The following CACNG5 variants were observed in gnomAD, a reference collection of about 807,000 sequenced individuals.
CACNG5 encodes calcium voltage-gated channel auxiliary subunit gamma 5.
CACNG5 carries 18 observed loss-of-function variants against 24.8 expected under a neutral mutation model. The observed-to-expected ratio is 0.73, with a 90% CI of 0.50 to 1.08. The LOEUF (loss-of-function observed/expected upper bound fraction) is 1.08. Among genes scored for constraint, CACNG5 ranks in the 50% least tolerant of loss-of-function variants. CACNG5 has a pLI of 0.00. For missense variants in CACNG5, 349 were observed against 367.9 expected (o/e 0.95, Z 0.42); for synonymous variants, 157 against 149.1 (o/e 1.05, Z -0.39).
At position 66,891,621 on chromosome 17, in the gene CACNG5, T is replaced by C. The variant is rs1158689299; in HGVS notation, c.*6381T>C. On this transcript the variant is annotated 3_prime_UTR_variant, in exon 6 of 6. Coordinates refer to ENST00000533854, the MANE Select transcript of CACNG5 (RefSeq NM_145811.3). The stretch of plus-strand genomic sequence containing the variant: ...AGACAGGCAGAAGCTTCATTGCCTT[T>C]CTGGAAGCAGCCTTTGAAGTTACCT... Among the ~76,000 whole-genome samples, 1 of 152,220 alleles carries C rather than the reference T, an allele frequency of 6.6e-6. No individual in the cohort carries two copies. The highest frequency in any genetic ancestry group is 1.5e-5 in the Non-Finnish European group (1 of 68,044).
At chr17:66,843,335 G>T (rs969315346) in intron 1 of CACNG5, among the ~76,000 whole-genome samples, 2 of 151,848 alleles carry the variant, frequency 1.3e-5, no homozygotes, top group Admixed American at 1.3e-4. Flanking sequence ...GGAAGGCAAA[G>T]GGGGACAGGA....
At chr17:66,861,367 T>C (rs1271901199) in intron 1 of CACNG5, among the ~76,000 whole-genome samples, 1 of 152,264 alleles carries the variant, frequency 6.6e-6, no homozygotes, top group East Asian at 1.9e-4. Flanking sequence ...GCTTGTTACA[T>C]GTGTTACCTC....
Position 66,880,642 on chromosome 17 carries a change from C to T in CACNG5, c.369C>T (p.Ile123=). The T allele has an allele frequency of 1.2e-6, 2 of 1,614,114 alleles. No individual in the cohort carries two copies. Among genetic ancestry groups the T allele is most frequent in the Non-Finnish European group, 1.7e-6 (2 of 1,179,916 alleles). The stretch of plus-strand genomic sequence containing the variant: ...TTATCCTGAACAACATCGGACACAT[C>T]CGTCCCCACCGGACGATACTGGCCT... The part of the protein sequence containing the change: ...IGFILNNIGH[I]RPHRTILAFV... Residue 123 remains isoleucine, a synonymous_variant, in exon 4 of 6, where the codon ATC becomes ATT. Transcript: ENST00000533854.
chr17:66,854,601 G>A (rs1023854036), intron 1 of CACNG5, among the ~76,000 whole-genome samples: 3 of 151,560 alleles, frequency 2.0e-5, no homozygotes, highest in Non-Finnish European at 4.4e-5. Context: ...GGCTGAGGCA[G>A]GAGAATTGCT....
intron 1 of CACNG5, among the ~76,000 whole-genome samples, chr17:66,872,964 T>G (rs1977030183): frequency 6.6e-6 from 1 of 152,248 alleles, no homozygotes; most frequent in Admixed American, 6.5e-5. Flanking sequence ...CCCAACACTC[T>G]TTGAGCCCAT....
chr17:66,886,601 C>T lies in CACNG5; in HGVS notation c.*1361C>T, dbSNP rs948727466. 5.3e-5 allele frequency among the ~76,000 whole-genome samples: 8 copies of T among 152,154 alleles called. No individual in the cohort carries two copies. The highest frequency in any genetic ancestry group is 3.9e-4 in the East Asian group (2 of 5,194). On this transcript the variant is annotated 3_prime_UTR_variant, in exon 6 of 6. Transcript: ENST00000533854. ...CAATGCTGTGTGTCGCTGCTGTGCC[C>T]GCTCTCTCCTTGCCCTCTTTAAGAC...
At position 66,894,205 on chromosome 17, in the gene CACNG5, C is replaced by G. The variant is rs149102243; in HGVS notation, c.*8965C>G. Reference sequence around the variant, plus strand: ...TCCAGGTGTGGGGACTGTCCCCATGCGTTGACTGCTCTCCCCGACCTCCAA... The same window carrying G: ...TCCAGGTGTGGGGACTGTCCCCATGGGTTGACTGCTCTCCCCGACCTCCAA... On this transcript the variant is annotated 3_prime_UTR_variant, in exon 6 of 6. Transcript: ENST00000533854. 2.0e-5 allele frequency among the ~76,000 whole-genome samples: 3 copies of G among 152,152 alleles called. No homozygotes were observed. The highest frequency in any genetic ancestry group is 7.2e-5 in the African/African-American group (3 of 41,434).
chr17:66,837,895 C>A (rs1361750989), intron 1 of CACNG5, among the ~76,000 whole-genome samples: 2 of 151,366 alleles, frequency 1.3e-5, no homozygotes, highest in Non-Finnish European at 2.9e-5. Context: ...AGGGGCAGGC[C>A]TCAGGCAGAG....
intron 1 of CACNG5, among the ~76,000 whole-genome samples, chr17:66,866,978 T>C (rs1036217808): frequency 6.6e-6 from 1 of 152,252 alleles, no homozygotes; most frequent in Non-Finnish European, 1.5e-5. Flanking sequence ...CCTTTGGGTA[T>C]ATACCCAGTA....
At chr17:66,884,398 C>G (rs1977214990) in intron 4 of CACNG5, 118 bp from the exon 5 acceptor site, 3 of 1,034,702 alleles carry the variant, frequency 2.9e-6, no homozygotes, top group East Asian at 4.8e-5. Flanking sequence ...CCACTGAGAG[C>G]ATTGTTACCC....
At chr17:66,836,181 G>T (rs1191100809) in intron 1 of CACNG5, among the ~76,000 whole-genome samples, 1 of 152,178 alleles carries the variant, frequency 6.6e-6, no homozygotes, top group African/African-American at 2.4e-5. Context: ...GAAAGGAAGG[G>T]ATTCACCCAC....
rs1977122195 is a variant in CACNG5, at chr17:66,878,992, T to C, written c.217T>C (p.Phe73Leu). The C allele has an allele frequency of 2.5e-6, 4 of 1,613,666 alleles. No individual in the cohort carries two copies. In the East Asian group the frequency reaches 6.7e-5, roughly 27 times the overall value. The stretch of plus-strand genomic sequence containing the variant: ...CACAGGTGAGGAGCGGGGGCGTTGC[T>C]TCACCATAGAATATGTGATGCCCAT... ...FLAGEERGRC[F>L]TIEYVMPMNT... is the part of the protein sequence containing the mutation. The change falls in exon 3 of 6, where the codon TTC (phenylalanine) becomes CTC (leucine). Residue 73 changes from phenylalanine to leucine, a missense_variant. By Grantham distance (22) the Phe-to-Leu change is conservative. Transcript: ENST00000533854.
At chr17:66,881,877 A>G (rs542781855) in intron 4 of CACNG5, among the ~76,000 whole-genome samples, 5 of 152,262 alleles carry the variant, frequency 3.3e-5, no homozygotes, top group African/African-American at 1.2e-4. Flanking sequence ...GAGTGTAATC[A>G]TTGCTCATCA....
At chr17:66,862,789 ATGTTTAATTT>A (rs1408986136) in intron 1 of CACNG5, among the ~76,000 whole-genome samples, 1 of 151,496 alleles carries the variant, frequency 6.6e-6, no homozygotes, top group Non-Finnish European at 1.5e-5. Context: ...GAATAATTAC[ATGTTTAATTT>A]TGGTGGATTC....
intron 1 of CACNG5, among the ~76,000 whole-genome samples, chr17:66,850,519 TA>T (rs199516407): frequency 0.013 from 1,979 of 150,688 alleles, 47 homozygotes; most frequent in African/African-American, 0.045. Context: ...GTTTAAAGTA[TA>T]TTTTTTTTTT....
At position 66,892,520 on chromosome 17, in the gene CACNG5, T is replaced by C. The variant is rs1293085091; in HGVS notation, c.*7280T>C. On this transcript the variant is annotated 3_prime_UTR_variant, in exon 6 of 6. Transcript: ENST00000533854. ...TCATCACTGGTCTTTGAATAATTCATTTTGTGCTCAGCAGTTGTGAAAAAG... is the reference window on the plus strand; with the variant it reads ...TCATCACTGGTCTTTGAATAATTCACTTTGTGCTCAGCAGTTGTGAAAAAG... Among the ~76,000 whole-genome samples the C allele has an allele frequency of 6.6e-6, 1 of 152,224 alleles. No homozygotes were observed. The highest frequency in any genetic ancestry group is 1.5e-5 in the Non-Finnish European group (1 of 68,034).
At chr17:66,858,377 G>C (rs1976808768) in intron 1 of CACNG5, among the ~76,000 whole-genome samples, 1 of 152,074 alleles carries the variant, frequency 6.6e-6, no homozygotes, top group African/African-American at 2.4e-5. Context: ...CTCTGCAGAG[G>C]GACAGCCATT....
chr17:66,849,522 G>A (rs1443582509), intron 1 of CACNG5, among the ~76,000 whole-genome samples: 1 of 152,178 alleles, frequency 6.6e-6, no homozygotes, highest in Admixed American at 6.5e-5. Flanking sequence ...TGGCTGAGTG[G>A]CCTTGGGCTG....
chr17:66,844,560 C>T (rs749165159), intron 1 of CACNG5, among the ~76,000 whole-genome samples: 1 of 152,196 alleles, frequency 6.6e-6, no homozygotes, highest in Non-Finnish European at 1.5e-5. Context: ...TCATCATATC[C>T]TCTCCATATT....
Sources: gnomAD v4.1 joint callset for allele counts (sites outside exome capture counted in the v4.1 genomes callset) on GRCh38, gnomAD v4.1.1 for gene constraint, MANE v1.5 for transcripts, NCBI Gene and HGNC (gene_info 2026-07-23, HGNC 2026-07-21) for gene names.